ZNF280D: variants seen among roughly 807,000 people sequenced by gnomAD.
ZNF280D encodes suppressor of hairy wing homolog 4.
ZNF280D carries 39 observed loss-of-function variants against 94.7 expected under a neutral mutation model. The observed-to-expected ratio is 0.41, with a 90% CI of 0.32 to 0.54. The LOEUF (loss-of-function observed/expected upper bound fraction) is 0.54, where lower values mean the gene tolerates loss of function less well. Ranked by LOEUF, ZNF280D falls within the 20% of genes least tolerant of loss-of-function variation. ZNF280D has a pLI of 0.22. For synonymous variants in ZNF280D, 398 were observed against 377.6 expected, an observed-to-expected ratio of 1.05 and a Z score of -0.63; for missense variants, 1,090 against 1,149.3, an observed-to-expected ratio of 0.95 and a Z score of 0.75.
At position 56,666,512 on chromosome 15, in the gene ZNF280D, C is replaced by T; in HGVS notation, c.1877G>A (p.Cys626Tyr). The T allele has an allele frequency of 6.3e-7, 1 of 1,596,796 alleles. No homozygotes were observed. Among genetic ancestry groups the T allele is most frequent in the Non-Finnish European group, 8.5e-7 (1 of 1,175,558 alleles). ...NLRYRRGIHK[C>Y]IECCSEIKDF... ...TTTTATTTCGGAACAACACTCAATG[C>T]ATTTGTGAATGCCCCGACGATACCT... The change falls in exon 16 of 22, where the codon TGC (cysteine) becomes TAC (tyrosine). Residue 626 changes from cysteine (C) to tyrosine (Y), a missense_variant. By Grantham distance (194) the Cys-to-Tyr change is radical. Transcript: ENST00000267807.
At chr15:56,723,620 G>A (rs2058485089) in intron 1 of ZNF280D, among the ~76,000 whole-genome samples, 1 of 151,992 alleles carries the variant, frequency 6.6e-6, no homozygotes, top group African/African-American at 2.4e-5. Context: ...ATCCCTGGAG[G>A]TTTTTTTCAA....
At chr15:56,690,614 G>C in intron 7 of ZNF280D, among the ~76,000 whole-genome samples, 1 of 151,960 alleles carries the variant, frequency 6.6e-6, no homozygotes. Flanking sequence ...TTTCCCATTT[G>C]AAAACCATTT....
chr15:56,663,030 T>C (rs1365934305), intron 16 of ZNF280D, among the ~76,000 whole-genome samples: 1 of 151,106 alleles, frequency 6.6e-6, no homozygotes, highest in East Asian at 2.0e-4. Context: ...TCAGCTATAA[T>C]CATTGCACTT....
intron 19 of ZNF280D, among the ~76,000 whole-genome samples, chr15:56,650,090 G>C (rs574178616): frequency 1.3e-5 from 2 of 152,186 alleles, no homozygotes; most frequent in Admixed American, 1.3e-4. Flanking sequence ...TGTGGATTCA[G>C]TGTCTACATT....
At chr15:56,690,521 G>C (rs557713964) in intron 7 of ZNF280D, among the ~76,000 whole-genome samples, 1 of 152,246 alleles carries the variant, frequency 6.6e-6, no homozygotes, top group African/African-American at 2.4e-5. Flanking sequence ...AATATATTGA[G>C]CATGTTTAAC....
intron 6 of ZNF280D, chr15:56,699,489 C>T (rs1421708705): frequency 1.1e-6 from 1 of 875,222 alleles, no homozygotes; most frequent in Non-Finnish European, 1.4e-6. Flanking sequence ...ACTGTGGAAA[C>T]TGAACTAACA....
At chr15:56,694,980 GC>G (rs1342676897) in intron 6 of ZNF280D, among the ~76,000 whole-genome samples, 1 of 152,114 alleles carries the variant, frequency 6.6e-6, no homozygotes, top group African/African-American at 2.4e-5. Context: ...TTCATTATTG[GC>G]AAAGTAGAGC....
intron 10 of ZNF280D, among the ~76,000 whole-genome samples, chr15:56,681,318 T>C (rs1441357217): frequency 6.6e-6 from 1 of 152,156 alleles, no homozygotes; most frequent in Non-Finnish European, 1.5e-5. Flanking sequence ...ACAAAAGGCA[T>C]ACATATATGT....
intron 6 of ZNF280D, 165 bp downstream of exon 6, chr15:56,700,768 G>A (rs768520951): frequency 1.9e-5 from 29 of 1,513,376 alleles, no homozygotes; most frequent in African/African-American, 4.2e-5. Flanking sequence ...ATTACTTGGG[G>A]TACTGCTTGA....
chr15:56,674,397 A>C (rs1488949583), intron 13 of ZNF280D, among the ~76,000 whole-genome samples: 2 of 152,078 alleles, frequency 1.3e-5, no homozygotes, highest in Non-Finnish European at 2.9e-5. Flanking sequence ...CTATTCCAAG[A>C]ATAAATAAAT....
chr15:56,667,523 T>G (rs1314270365), intron 14 of ZNF280D, among the ~76,000 whole-genome samples: 2 of 152,180 alleles, frequency 1.3e-5, no homozygotes, highest in African/African-American at 4.8e-5. Flanking sequence ...TAAATAATAT[T>G]CAGAAATTTC....
chr15:56,674,480 A>AT (rs2055079237), intron 13 of ZNF280D, among the ~76,000 whole-genome samples: 1 of 152,092 alleles, frequency 6.6e-6, no homozygotes, highest in Non-Finnish European at 1.5e-5. Flanking sequence ...AATTCTTACT[A>AT]TATGTAATTT....
chr15:56,669,326 A>C (rs142498684), intron 13 of ZNF280D, among the ~76,000 whole-genome samples: 1 of 152,116 alleles, frequency 6.6e-6, no homozygotes, highest in African/African-American at 2.4e-5. Context: ...AATTTTTGCT[A>C]TTTCTAGTTG....
chr15:56,658,598 T>C (rs995414881), intron 16 of ZNF280D, 112 bp from the exon 17 acceptor site: 2 of 692,442 alleles, frequency 2.9e-6, no homozygotes, highest in Non-Finnish European at 4.6e-6. Context: ...AAGATTATAA[T>C]GTAAATAATA....
At chr15:56,668,742 A>C in intron 14 of ZNF280D, 81 bp downstream of exon 14, 2 of 1,289,894 alleles carry the variant, frequency 1.6e-6, no homozygotes, top group Non-Finnish European at 1.0e-6. Context: ...TCATTTAAAA[A>C]TACATTCAAT....
intron 14 of ZNF280D, 95 bp from the exon 15 acceptor site, chr15:56,667,081 T>C (rs1269177291): frequency 1.0e-6 from 1 of 996,568 alleles, no homozygotes; most frequent in Non-Finnish European, 1.4e-6. Context: ...TCAAGAATTT[T>C]GAAAAAAGCA....
chr15:56,679,634 G>A (rs1387826661), intron 10 of ZNF280D, among the ~76,000 whole-genome samples: 2 of 152,132 alleles, frequency 1.3e-5, no homozygotes. Context: ...GCTTTTTGCT[G>A]AATTTGAGAG....
In ZNF280D at chr15:56,666,722, T is replaced by C. The variant is rs559830704; in HGVS notation, c.1810A>G (p.Ser604Gly). 2.2e-5 allele frequency: 36 copies of C among 1,612,778 alleles called. No homozygotes were observed. In the South Asian group the frequency reaches 3.9e-4, roughly 17 times the overall value. ...GTATTGACTTTACTTTTTTTATTGC[T>C]ACTAGCCAATGTGCTTTGTTTCTTT... ...MQKKQSTLAS[S>G]NKKSKVNTAL... The change falls in exon 15 of 22, where the codon AGC becomes GGC. Residue 604 changes from serine to glycine, a missense_variant. Around this residue, in one of 3 missense-constraint regions of ZNF280D, gnomAD observed 577 missense variants for 568.8 expected, o/e 1.01. Coordinates refer to ENST00000267807, the MANE Select transcript of ZNF280D (RefSeq NM_017661.4).
chr15:56,706,952 C>A, intron 3 of ZNF280D, 130 bp downstream of exon 3: 2 of 787,200 alleles, frequency 2.5e-6, no homozygotes, highest in Non-Finnish European at 4.2e-6. Context: ...TTTATGTGAA[C>A]ATTTGTTACT....
Sources: gnomAD v4.1 joint callset for allele counts (sites outside exome capture counted in the v4.1 genomes callset) on GRCh38, gnomAD v4.1.1 for gene constraint, gnomAD v4.1.1 regional missense constraint, MANE v1.5 for transcripts, NCBI Gene and HGNC (gene_info 2026-07-23, HGNC 2026-07-21) for gene names.